The following MAPK10 variants were observed in gnomAD, a reference collection of about 807,000 sequenced individuals.
MAPK10 encodes the protein JNK3 alpha protein kinase.
A neutral mutation model predicts 59.3 loss-of-function variants in MAPK10; 25 were observed. That is an observed-to-expected ratio of 0.42 (90% CI 0.31 to 0.59). MAPK10 has a LOEUF of 0.59. Ranked by LOEUF, MAPK10 falls within the 20% of genes least tolerant of loss-of-function variation. The probability of loss-of-function intolerance (pLI) is 0.15; values close to 1 mark genes in which losing one functional copy is unlikely to be tolerated. For synonymous variants in MAPK10, 190 were observed against 200.5 expected (o/e 0.95, Z 0.44); for missense variants, 351 against 568.9 (o/e 0.62, Z 3.90).
At chr4:86,398,149 T>G (rs964021381) in intron 1 of MAPK10, among the ~76,000 whole-genome samples, 1 of 150,648 alleles carries the variant, frequency 6.6e-6, no homozygotes, top group African/African-American at 2.4e-5. Flanking sequence ...CTTCAGGTAA[T>G]GAAGAAACAC....
intron 1 of MAPK10, among the ~76,000 whole-genome samples, chr4:86,357,210 G>A (rs1284236296): frequency 6.6e-6 from 1 of 152,154 alleles, no homozygotes. Flanking sequence ...TCCACTGAAA[G>A]TCCTTTGGCT....
intron 11 of MAPK10, among the ~76,000 whole-genome samples, chr4:86,063,328 TGG>T (rs1383560110): frequency 6.6e-6 from 1 of 152,142 alleles, no homozygotes; most frequent in Non-Finnish European, 1.5e-5. Context: ...AAGAATACTT[TGG>T]GGAAACAAAC....
intron 2 of MAPK10, chr4:86,336,387 G>C (rs1413146757): frequency 1.3e-5 from 2 of 152,140 alleles, no homozygotes; most frequent in Non-Finnish European, 2.9e-5. Flanking sequence ...ACTTTTTCTT[G>C]TAAGTGATCC....
intron 11 of MAPK10, among the ~76,000 whole-genome samples, chr4:86,047,042 CTTTT>C (rs1236966068): frequency 6.6e-6 from 1 of 151,744 alleles, no homozygotes; most frequent in Non-Finnish European, 1.5e-5. Flanking sequence ...TAGTTTTTTT[CTTTT>C]TGTTTTTGTT....
chr4:86,380,047 C>A (rs1740450918), intron 1 of MAPK10, among the ~76,000 whole-genome samples: 1 of 151,934 alleles, frequency 6.6e-6, no homozygotes, highest in Non-Finnish European at 1.5e-5. Context: ...ACCAGCCTGG[C>A]CAAACATGGT....
Position 86,048,309 on chromosome 4 carries a change from T to C in MAPK10, c.1110+15957A>G, listed in dbSNP as rs11934127. 2.6e-3 allele frequency among the ~76,000 whole-genome samples: 391 copies of C among 152,192 alleles called. 2 individuals are homozygous for C. The highest frequency in any genetic ancestry group is 8.8e-3 in the African/African-American group (365 of 41,552). ...TGAATCACTGCAGCATAATGCACAA[T>C]ATGATAATGGCATATGGAAGGTTCT... is the stretch of plus-strand genomic sequence containing the variant. On this transcript the variant is annotated intron_variant, in intron 11 of 13. Coordinates refer to ENST00000641462, the MANE Select transcript of MAPK10 (RefSeq NM_138982.4).
At chr4:86,053,503 G>A (rs1214552600) in intron 11 of MAPK10, among the ~76,000 whole-genome samples, 5 of 152,056 alleles carry the variant, frequency 3.3e-5, no homozygotes, top group African/African-American at 7.2e-5. Context: ...TACTTATCTC[G>A]AGGCAAAGCT....
intron 9 of MAPK10, among the ~76,000 whole-genome samples, chr4:86,068,859 A>G (rs901758413): frequency 1.3e-5 from 2 of 152,142 alleles, no homozygotes; most frequent in Non-Finnish European, 2.9e-5. Flanking sequence ...GATAAACACC[A>G]TCTACTCTGA....
intron 1 of MAPK10, among the ~76,000 whole-genome samples, chr4:86,479,174 C>G (rs370115282): frequency 6.6e-6 from 1 of 152,126 alleles, no homozygotes; most frequent in Non-Finnish European, 1.5e-5. Flanking sequence ...CTCGGTTTGG[C>G]CTTCCCACCT....
chr4:86,270,098 A>T (rs1328248862), intron 2 of MAPK10, among the ~76,000 whole-genome samples: 1 of 152,130 alleles, frequency 6.6e-6, no homozygotes, highest in Non-Finnish European at 1.5e-5. Flanking sequence ...CAAAAACTTT[A>T]AAGTATTTTA....
intron 1 of MAPK10, among the ~76,000 whole-genome samples, chr4:86,412,977 G>A (rs1295034620): frequency 2.6e-5 from 4 of 152,224 alleles, no homozygotes; most frequent in African/African-American, 9.6e-5. Flanking sequence ...TGGAGGAGAA[G>A]AGGCGCTCCG....
At chr4:86,040,148 A>T (rs2041215232) in intron 11 of MAPK10, among the ~76,000 whole-genome samples, 3 of 152,156 alleles carry the variant, frequency 2.0e-5, no homozygotes, top group Non-Finnish European at 4.4e-5. Context: ...AAATACAAAA[A>T]TCTCCCAGTG....
At chr4:86,585,781 C>T (rs1344584657) in intron 1 of MAPK10, among the ~76,000 whole-genome samples, 1 of 152,144 alleles carries the variant, frequency 6.6e-6, no homozygotes, top group Non-Finnish European at 1.5e-5. Flanking sequence ...GTAGATATGA[C>T]CATTTTCCTC....
chr4:86,435,932 T>C (rs1305119532), intron 1 of MAPK10, among the ~76,000 whole-genome samples: 1 of 152,208 alleles, frequency 6.6e-6, no homozygotes, highest in African/African-American at 2.4e-5. Flanking sequence ...TTAAATCATA[T>C]CAAAGTCAAT....
At chr4:86,059,922 C>T (rs1289327775) in intron 11 of MAPK10, among the ~76,000 whole-genome samples, 1 of 152,102 alleles carries the variant, frequency 6.6e-6, no homozygotes, top group African/African-American at 2.4e-5. Flanking sequence ...TCTCAAGTAC[C>T]CCAGGTTCAC....
intron 1 of MAPK10, among the ~76,000 whole-genome samples, chr4:86,572,629 A>G (rs1761548300): frequency 6.6e-6 from 1 of 152,218 alleles, no homozygotes; most frequent in Non-Finnish European, 1.5e-5. Context: ...TCAAGATACT[A>G]ACAGTGGAAT....
intron 2 of MAPK10, among the ~76,000 whole-genome samples, chr4:86,237,837 T>C (rs1337146613): frequency 2.0e-5 from 3 of 152,210 alleles, no homozygotes; most frequent in Admixed American, 1.3e-4. Context: ...GTGCAGAGGC[T>C]CTTTAGTTCA....
At chr4:86,539,605 TAA>T (rs763181973) in intron 1 of MAPK10, among the ~76,000 whole-genome samples, 16 of 152,316 alleles carry the variant, frequency 1.1e-4, no homozygotes, top group Non-Finnish European at 1.9e-4. Context: ...TCCTATAAAC[TAA>T]TGAGGGCTGC....
At chr4:86,437,234 T>G (rs868817125) in intron 1 of MAPK10, among the ~76,000 whole-genome samples, 1 of 139,922 alleles carries the variant, frequency 7.1e-6, no homozygotes. Flanking sequence ...AAAAAAAAAA[T>G]GATGTTTGCC....
Sources: gnomAD v4.1 joint callset for allele counts (sites outside exome capture counted in the v4.1 genomes callset) on GRCh38, gnomAD v4.1.1 for gene constraint, MANE v1.5 for transcripts, NCBI Gene and HGNC (gene_info 2026-07-23, HGNC 2026-07-21) for gene names.